Variants in GDA observed in about 807,000 individuals in gnomAD.
The protein encoded by GDA is cytoplasmic PSD-95 interactor.
In GDA, 18 loss-of-function variants were observed where a neutral mutation model predicts 59.6. That is an observed-to-expected ratio of 0.30 (90% CI 0.21 to 0.45). The LOEUF (loss-of-function observed/expected upper bound fraction) is 0.45, where lower values mean the gene tolerates loss of function less well. Ranked by LOEUF, GDA falls within the 20% of genes least tolerant of loss-of-function variation. The probability of loss-of-function intolerance (pLI) is 1.00; values close to 1 mark genes in which losing one functional copy is unlikely to be tolerated. For missense variants in GDA, 427 were observed against 552.3 expected (o/e 0.77, Z 2.27); for synonymous variants, 201 against 201.1 (o/e 1.00, Z 0.00).
At chr9:72,232,631 A>C (rs919808781) in intron 10 of GDA, among the ~76,000 whole-genome samples, 1 of 152,210 alleles carries the variant, frequency 6.6e-6, no homozygotes, top group African/African-American at 2.4e-5. Context: ...AATCAGTCAG[A>C]TATTGTTTTC....
intron 11 of GDA, among the ~76,000 whole-genome samples, chr9:72,243,584 G>A (rs1839849361): frequency 6.6e-6 from 1 of 152,158 alleles, no homozygotes; most frequent in South Asian, 2.1e-4. Context: ...CATACAATTA[G>A]TAGAAGTCAC....
intron 11 of GDA, among the ~76,000 whole-genome samples, chr9:72,244,701 A>T (rs1296048416): frequency 6.6e-6 from 1 of 152,254 alleles, no homozygotes; most frequent in African/African-American, 2.4e-5. Flanking sequence ...CTGCCATGAA[A>T]ATAAATCTTG....
At chr9:72,153,067 T>G (rs1162801095) in intron 1 of GDA, among the ~76,000 whole-genome samples, 2 of 152,210 alleles carry the variant, frequency 1.3e-5, no homozygotes, top group Non-Finnish European at 2.9e-5. Context: ...CCATTGCTTG[T>G]TTTTCTCAGG....
chr9:72,258,335 T>C (rs562352533), downstream of GDA, among the ~76,000 whole-genome samples: 187 of 151,504 alleles, frequency 1.2e-3, no homozygotes, highest in African/African-American at 4.4e-3. Flanking sequence ...AAAGAGAAAA[T>C]AGAAGAAAAG....
chr9:72,124,517 CACCAAT>C (rs1825779407), intron 1 of GDA, among the ~76,000 whole-genome samples: 1 of 151,960 alleles, frequency 6.6e-6, no homozygotes, highest in Admixed American at 6.6e-5. Context: ...GTGGAGAAAT[CACCAAT>C]AATATGTAGA....
At chr9:72,207,118 T>A (rs908627084) in intron 3 of GDA, among the ~76,000 whole-genome samples, 2 of 152,318 alleles carry the variant, frequency 1.3e-5, no homozygotes, top group African/African-American at 2.4e-5. Context: ...TAATTGTTGA[T>A]CATCCCAATT....
At chr9:72,200,248 G>A (rs978013452) in intron 2 of GDA, among the ~76,000 whole-genome samples, 5 of 151,968 alleles carry the variant, frequency 3.3e-5, no homozygotes, top group Admixed American at 6.6e-5. Context: ...TGCCCGCCTT[G>A]GCCTCCCAAA....
intron 1 of GDA, among the ~76,000 whole-genome samples, chr9:72,181,347 T>G (rs551970413): frequency 2.9e-4 from 44 of 150,972 alleles, no homozygotes; most frequent in East Asian, 1.0e-3. Context: ...ACAATTTTTT[T>G]TGTGTGTGTC....
intron 1 of GDA, among the ~76,000 whole-genome samples, chr9:72,153,861 C>T (rs1827556961): frequency 6.8e-6 from 1 of 146,218 alleles, no homozygotes; most frequent in African/African-American, 2.5e-5. Context: ...ATACCTAATG[C>T]TAAATGACGA....
chr9:72,249,806 T>C lies in GDA; in HGVS notation c.*1464T>C. 1 of 877,350 alleles carries C rather than the reference T, an allele frequency of 1.1e-6. No homozygotes were observed. The highest frequency in any genetic ancestry group is 1.4e-6 in the Non-Finnish European group (1 of 731,444). 54.3% of individuals were successfully genotyped at this position (877,350 alleles called of 1,614,324 possible). On this transcript the variant is annotated 3_prime_UTR_variant, in exon 14 of 14. Transcript: ENST00000358399. ...ATATTACCTTATAGTAGAAACTTTA[T>C]GTAATATAGCTAACTCCGTATTTAC...
chr9:72,161,474 A>G (rs1024614103), intron 1 of GDA, among the ~76,000 whole-genome samples: 10 of 147,520 alleles, frequency 6.8e-5, no homozygotes, highest in Non-Finnish European at 1.2e-4. Flanking sequence ...GTATGTGGTT[A>G]CTGGGAGCTG....
intron 1 of GDA, among the ~76,000 whole-genome samples, chr9:72,187,420 C>G (rs568123574): frequency 3.9e-5 from 6 of 152,306 alleles, no homozygotes; most frequent in Admixed American, 3.9e-4. Flanking sequence ...GCCCTTCCAC[C>G]TTTCTGCTGT....
intron 1 of GDA, among the ~76,000 whole-genome samples, chr9:72,168,256 T>G (rs62561977): frequency 0.16 from 24,749 of 151,856 alleles, 2,587 homozygotes; most frequent in East Asian, 0.5. Flanking sequence ...AAACACGAGC[T>G]GGGCATAGTG....
intron 1 of GDA, among the ~76,000 whole-genome samples, chr9:72,170,478 C>T (rs747783543): frequency 7.9e-5 from 12 of 152,148 alleles, no homozygotes; most frequent in Non-Finnish European, 1.5e-4. Flanking sequence ...AAGCCGGGAT[C>T]GCTGAGCTAT....
chr9:72,148,802 A>G (rs1418056539), upstream of GDA, among the ~76,000 whole-genome samples: 2 of 152,138 alleles, frequency 1.3e-5, no homozygotes, highest in African/African-American at 4.8e-5. Context: ...ATTGCTGCCT[A>G]TTTGACTTGA....
intron 1 of GDA, among the ~76,000 whole-genome samples, chr9:72,185,254 T>C (rs1380802693): frequency 6.6e-6 from 1 of 152,186 alleles, no homozygotes; most frequent in African/African-American, 2.4e-5. Context: ...GAAGCAATCA[T>C]AAAGTTTTGG....
downstream of GDA, among the ~76,000 whole-genome samples, chr9:72,254,833 G>C (rs1398702348): frequency 4.6e-5 from 7 of 152,330 alleles, no homozygotes; most frequent in East Asian, 1.2e-3. Flanking sequence ...TGGAACACTT[G>C]AGAGACTTCA....
chr9:72,142,179 G>T (rs1826464130), intron 1 of GDA, among the ~76,000 whole-genome samples: 1 of 152,022 alleles, frequency 6.6e-6, no homozygotes, highest in African/African-American at 2.4e-5. Flanking sequence ...AGTTATTTTG[G>T]TCTTTGATGA....
At chr9:72,143,568 C>T (rs1412017436) in intron 1 of GDA, among the ~76,000 whole-genome samples, 1 of 152,140 alleles carries the variant, frequency 6.6e-6, no homozygotes, top group Non-Finnish European at 1.5e-5. Context: ...TAAAACCTTC[C>T]AGCCAGAAAA....
Sources: gnomAD v4.1 joint callset for allele counts (sites outside exome capture counted in the v4.1 genomes callset) on GRCh38, gnomAD v4.1.1 for gene constraint, MANE v1.5 for transcripts, NCBI Gene and HGNC (gene_info 2026-07-23, HGNC 2026-07-21) for gene names.